The following FRMD4A variants were observed in gnomAD, a reference collection of about 807,000 sequenced individuals.
FRMD4A encodes the protein FERM domain containing 4A.
FRMD4A carries 29 observed loss-of-function variants against 129.1 expected under a neutral mutation model. The observed-to-expected ratio is 0.22, with a 90% confidence interval of 0.17 to 0.31. The LOEUF is 0.31. FRMD4A is among the 10% of genes least tolerant of loss of function. The probability of loss-of-function intolerance (pLI) is 1.00; values close to 1 mark genes in which losing one functional copy is unlikely to be tolerated. For missense variants in FRMD4A, 1,272 were observed against 1,375.8 expected (o/e 0.92, Z 1.19); for synonymous variants, 634 against 571.6 (o/e 1.11, Z -1.56).
At chr10:13,901,537 A>T (rs2094818847) in intron 2 of FRMD4A, among the ~76,000 whole-genome samples, 1 of 149,828 alleles carries the variant, frequency 6.7e-6, no homozygotes, top group African/African-American at 2.5e-5. Flanking sequence ...TGAGCCCAGG[A>T]GGTGGAGGTT....
intron 2 of FRMD4A, among the ~76,000 whole-genome samples, chr10:14,260,679 C>T (rs1053790540): frequency 3.3e-5 from 5 of 152,254 alleles, no homozygotes; most frequent in East Asian, 1.9e-4. Context: ...CATCAGTAGA[C>T]GAAAATATTC....
chr10:13,919,067 C>T (rs149233089), intron 2 of FRMD4A, among the ~76,000 whole-genome samples: 2 of 152,106 alleles, frequency 1.3e-5, no homozygotes, highest in East Asian at 1.9e-4. Context: ...GGGAAGGTAT[C>T]GTATGGTCCA....
chr10:13,706,335 A>C (rs1297510346), intron 13 of FRMD4A, among the ~76,000 whole-genome samples: 1 of 152,066 alleles, frequency 6.6e-6, no homozygotes, highest in Non-Finnish European at 1.5e-5. Flanking sequence ...AAGAGAGGAA[A>C]ACAGTGGGTA....
chr10:14,094,532 C>T (rs1836840013), intron 2 of FRMD4A, among the ~76,000 whole-genome samples: 1 of 152,104 alleles, frequency 6.6e-6, no homozygotes, highest in African/African-American at 2.4e-5. Flanking sequence ...CCCAGGGTCA[C>T]CCATGCTGTT....
chr10:13,962,641 T>C (rs2095453352), intron 2 of FRMD4A, among the ~76,000 whole-genome samples: 1 of 152,216 alleles, frequency 6.6e-6, no homozygotes, highest in Non-Finnish European at 1.5e-5. Flanking sequence ...ACCCTGGCTG[T>C]TCTCCTTCCA....
intron 2 of FRMD4A, among the ~76,000 whole-genome samples, chr10:14,131,402 C>CCA (rs1554767052): frequency 5.9e-5 from 9 of 151,752 alleles, no homozygotes; most frequent in African/African-American, 2.2e-4. Flanking sequence ...CTGTGCCCCC[C>CCA]CCGGCCGCCC....
intron 2 of FRMD4A, among the ~76,000 whole-genome samples, chr10:13,995,177 G>T (rs978121207): frequency 6.6e-6 from 1 of 152,170 alleles, no homozygotes; most frequent in African/African-American, 2.4e-5. Flanking sequence ...AAGAAAAAAG[G>T]AAGTCACAGA....
intron 2 of FRMD4A, among the ~76,000 whole-genome samples, chr10:13,899,731 G>A (rs749650903): frequency 3.9e-5 from 6 of 152,224 alleles, no homozygotes; most frequent in African/African-American, 4.8e-5. Flanking sequence ...ACCCAGAGTC[G>A]TCTTTTGGAG....
At position 13,663,629 on chromosome 10, in the gene FRMD4A, C is replaced by T. The variant is rs17153675; in HGVS notation, c.1604-120G>A. On this transcript the variant is annotated intron_variant, in intron 18 of 24. Transcript: ENST00000357447. ...TTTCTCTTCCTAACCAGAAACAACC[C>T]ACCAGATACAATAAAAATGCTGTTG... The T allele has an allele frequency of 8.8e-3, 5,819 of 659,690 alleles. 243 individuals carry two copies. In the African/African-American group the frequency reaches 0.092, roughly 10 times the overall value. 40.9% of individuals were successfully genotyped at this position (659,690 alleles called of 1,614,324 possible).
At chr10:13,648,071 G>C (rs2134350899) in intron 24 of FRMD4A, 1 of 152,260 alleles carries the variant, frequency 6.6e-6, no homozygotes. Context: ...TATTTCATTT[G>C]CTAACCTCTC....
chr10:14,058,493 T>C (rs1834649745), intron 2 of FRMD4A, among the ~76,000 whole-genome samples: 1 of 152,218 alleles, frequency 6.6e-6, no homozygotes, highest in African/African-American at 2.4e-5. Flanking sequence ...ATAACATCCA[T>C]GTTACCATTC....
At chr10:14,141,431 T>C (rs188416759) in intron 2 of FRMD4A, among the ~76,000 whole-genome samples, 164 of 152,328 alleles carry the variant, frequency 1.1e-3, no homozygotes, top group Admixed American at 3.3e-3. Flanking sequence ...TTGCCCATTG[T>C]ATGATTTTAT....
chr10:14,104,520 CAG>C (rs1286244984), intron 2 of FRMD4A, among the ~76,000 whole-genome samples: 1 of 152,256 alleles, frequency 6.6e-6, no homozygotes, highest in Non-Finnish European at 1.5e-5. Flanking sequence ...TGAGGCCACA[CAG>C]AGCCTATCTA....
chr10:13,765,114 G>GTTT (rs1202429085), intron 6 of FRMD4A, among the ~76,000 whole-genome samples: 2 of 105,510 alleles, frequency 1.9e-5, no homozygotes, highest in Non-Finnish European at 3.7e-5. Flanking sequence ...TTTTTTTTTT[G>GTTT]TTTTTTTTTT....
At chr10:14,145,270 A>G (rs1418905099) in intron 2 of FRMD4A, among the ~76,000 whole-genome samples, 1 of 152,228 alleles carries the variant, frequency 6.6e-6, no homozygotes, top group African/African-American at 2.4e-5. Context: ...TCACTTTGGA[A>G]GAGTCACTTA....
At chr10:14,092,035 C>T (rs1260996673) in intron 2 of FRMD4A, among the ~76,000 whole-genome samples, 4 of 152,164 alleles carry the variant, frequency 2.6e-5, no homozygotes, top group African/African-American at 9.7e-5. Flanking sequence ...CCCCTGAACC[C>T]CACCTCACAG....
At chr10:14,298,139 T>C (rs151211218) in intron 2 of FRMD4A, among the ~76,000 whole-genome samples, 3 of 152,326 alleles carry the variant, frequency 2.0e-5, no homozygotes, top group African/African-American at 7.2e-5. Context: ...GTGACAATAA[T>C]TGTATGTTCC....
intron 2 of FRMD4A, among the ~76,000 whole-genome samples, chr10:14,285,192 G>T (rs1384747751): frequency 6.6e-6 from 1 of 152,216 alleles, no homozygotes; most frequent in Non-Finnish European, 1.5e-5. Context: ...AGCGTGATAA[G>T]AGTGAGGGTC....
chr10:14,085,754 T>TG (rs961768481), intron 2 of FRMD4A, among the ~76,000 whole-genome samples: 1 of 152,222 alleles, frequency 6.6e-6, no homozygotes, highest in Non-Finnish European at 1.5e-5. Context: ...GTCACGATTT[T>TG]GGGGCTGGAC....
Sources: gnomAD v4.1 joint callset for allele counts (sites outside exome capture counted in the v4.1 genomes callset) on GRCh38, gnomAD v4.1.1 for gene constraint, MANE v1.5 for transcripts, NCBI Gene and HGNC (gene_info 2026-07-23, HGNC 2026-07-21) for gene names.